PCDHGA4: variants seen among roughly 807,000 people sequenced by gnomAD.
The protein encoded by PCDHGA4 is protocadherin gamma-A4.
A neutral mutation model predicts 54.6 loss-of-function variants in PCDHGA4; 38 were observed. The ratio of observed to expected loss-of-function variants is 0.70; its 90% CI spans 0.54 to 0.91. The LOEUF is 0.91. Among genes scored for constraint, PCDHGA4 ranks in the 40% least tolerant of loss-of-function variants. The pLI is 0.00. For synonymous variants in PCDHGA4, 511 were observed against 512.9 expected, an observed-to-expected ratio of 1.00 and a Z score of 0.05; for missense variants, 1,298 against 1,220.9, an observed-to-expected ratio of 1.06 and a Z score of -0.94.
intron 1 of PCDHGA4, among the ~76,000 whole-genome samples, chr5:141,381,834 T>TTCTTC (rs1561589417): frequency 7.1e-6 from 1 of 140,214 alleles, no homozygotes; most frequent in African/African-American, 2.7e-5. Flanking sequence ...TTCTTTTTTT[T>TTCTTC]TTTTTTTTTT....
In PCDHGA4 at chr5:141,372,747, G is replaced by A; in HGVS notation, c.2514+15126G>A. ...ACCACAAGATCTTCTATGTGATGAA[G>A]CCTCTTGGTTTGAAAGTAATGACAA... On this transcript the variant is annotated intron_variant, in intron 1 of 3. Transcript: ENST00000571252. The A allele has an allele frequency of 2.5e-6, 4 of 1,613,418 alleles. 1 individual carries two copies. Among genetic ancestry groups the A allele is most frequent in the East Asian group, 4.5e-5 (2 of 44,880 alleles).
At chr5:141,384,730 G>A (rs752038561) in intron 1 of PCDHGA4, 2 of 1,614,092 alleles carry the variant, frequency 1.2e-6, no homozygotes, top group East Asian at 2.2e-5. Context: ...CCTGCTTAAG[G>A]CCAGCGAGCC....
chr5:141,356,931 G>A lies in PCDHGA4; in HGVS notation c.1824G>A (p.Leu608=), dbSNP rs1760396765. ...CTGATGGCTCCACTGGTGTGGAGCTGGCACCCCGCTCCGCAGATTCCGGCT... is the reference window on the plus strand; with the variant it reads ...CTGATGGCTCCACTGGTGTGGAGCTAGCACCCCGCTCCGCAGATTCCGGCT... ...FPTDGSTGVE[L]APRSADSGYL... Residue 608 remains leucine, a synonymous_variant, in exon 1 of 4, where the codon CTG becomes CTA. Coordinates refer to ENST00000571252, the MANE Select transcript of PCDHGA4 (RefSeq NM_018917.4). The A allele has an allele frequency of 1.2e-6, 2 of 1,614,074 alleles. No homozygotes were observed. Among genetic ancestry groups the A allele is most frequent in the Non-Finnish European group, 1.7e-6 (2 of 1,180,036 alleles).
At chr5:141,366,386 G>A (rs1368197545) in intron 1 of PCDHGA4, 4 of 1,614,164 alleles carry the variant, frequency 2.5e-6, no homozygotes, top group Non-Finnish European at 3.4e-6. Context: ...TGACCCTGAG[G>A]ATCTGGACCT....
chr5:141,492,125 C>T (rs1284932830), intron 1 of PCDHGA4, among the ~76,000 whole-genome samples: 1 of 152,222 alleles, frequency 6.6e-6, no homozygotes, highest in Non-Finnish European at 1.5e-5. Context: ...TTCTCCCCAG[C>T]TCCCAGCATC....
Position 141,420,431 on chromosome 5 carries a change from A to G in PCDHGA4, c.2514+62810A>G, listed in dbSNP as rs183252328. 8.4e-5 allele frequency: 96 copies of G among 1,148,758 alleles called. No individual in the cohort carries two copies. In the African/African-American group the frequency reaches 1.3e-3, roughly 16 times the overall value. The allele number at this position is 1,148,758 out of a possible 1,614,324, so 71.2% of individuals were successfully genotyped here. Reference sequence around the variant, plus strand: ...TATCATTATTAAAACAAAAGTTTAAATTAAATGCCTCAGTCTTCCTACTAT... The same window carrying G: ...TATCATTATTAAAACAAAAGTTTAAGTTAAATGCCTCAGTCTTCCTACTAT... On this transcript the variant is annotated intron_variant, in intron 1 of 3. Transcript: ENST00000571252.
rs568314069 is a variant in PCDHGA4 at position 141,486,371 on chromosome 5, G to C, written c.2515-8436G>C. 53 of 1,614,138 alleles carry C rather than the reference G, an allele frequency of 3.3e-5. 2 individuals are homozygous for C. The South Asian group carries it at 5.3e-4, about 16-fold the overall frequency. Reference sequence around the variant, plus strand: ...CCACTTGCCATTTGCCCTCAAGTCTGCCTTCAGGAACCAGTTCTCCCTGGT... The same window carrying C: ...CCACTTGCCATTTGCCCTCAAGTCTCCCTTCAGGAACCAGTTCTCCCTGGT... On this transcript the variant is annotated intron_variant, in intron 1 of 3. Transcript: ENST00000571252. The surrounding 1 kb of genome is among the most constrained non-coding windows in gnomAD (Gnocchi z 5.0).
intron 1 of PCDHGA4, among the ~76,000 whole-genome samples, chr5:141,436,181 T>A (rs1050736907): frequency 1.3e-5 from 2 of 152,092 alleles, no homozygotes; most frequent in African/African-American, 4.8e-5. Context: ...TCATATATAG[T>A]CAAATAGAAA....
chr5:141,374,244 T>C, intron 1 of PCDHGA4: 3 of 1,613,992 alleles, frequency 1.9e-6, no homozygotes, highest in Non-Finnish European at 2.5e-6. Context: ...GATCTGGGAC[T>C]GGAGCCCCAG....
At position 141,355,141 on chromosome 5, in the gene PCDHGA4, G is replaced by A; in HGVS notation, c.34G>A (p.Ala12Thr). The change falls in exon 1 of 4, where the codon GCT becomes ACT. Residue 12 changes from alanine to threonine, a missense_variant. Ala to Thr is a moderately conservative substitution (Grantham distance 58, BLOSUM62 0). Coordinates refer to ENST00000571252, the MANE Select transcript of PCDHGA4 (RefSeq NM_018917.4). Reference sequence around the variant, plus strand: ...TATTTTGGACCCAGAAGATCCTGGGGCTCCTCAGGCCTCGACAGAGGGAAA... The same window carrying A: ...TATTTTGGACCCAGAAGATCCTGGGACTCCTCAGGCCTCGACAGAGGGAAA... ...HFILDPEDPGAPQASTEGKPK... is the reference protein window; with the variant it reads ...HFILDPEDPGTPQASTEGKPK... 1 of 1,526,010 alleles carries A rather than the reference G, an allele frequency of 6.6e-7. No homozygotes were observed. The highest frequency in any genetic ancestry group is 1.3e-5 in the South Asian group (1 of 76,482). 94.5% of individuals were successfully genotyped at this position (1,526,010 alleles called of 1,614,324 possible).
Position 141,489,646 on chromosome 5 carries a change from C to G in PCDHGA4, c.2515-5161C>G, listed in dbSNP as rs1274955075. The G allele has an allele frequency of 1.2e-6, 2 of 1,614,186 alleles. No individual in the cohort carries two copies. Among genetic ancestry groups the G allele is most frequent in the Non-Finnish European group, 1.7e-6 (2 of 1,180,022 alleles). ...TGACAACTCTCCTAGCTTTGCCACC[C>G]CTGAGCGAGAGATGCGCATCTCAGA... On this transcript the variant is annotated intron_variant, in intron 1 of 3. Coordinates refer to ENST00000571252, the MANE Select transcript of PCDHGA4 (RefSeq NM_018917.4). The surrounding 1 kb of genome is among the most constrained non-coding windows in gnomAD (Gnocchi z 4.5).
At chr5:141,451,004 T>A (rs2098704048) in intron 1 of PCDHGA4, among the ~76,000 whole-genome samples, 1 of 151,474 alleles carries the variant, frequency 6.6e-6, no homozygotes, top group South Asian at 2.1e-4. Flanking sequence ...TTTTTGTATT[T>A]TTTTTAGTAG....
At position 141,432,669 on chromosome 5, in the gene PCDHGA4, C is replaced by T. The variant is rs777314784; in HGVS notation, c.2515-62138C>T. ...GCGCGAGCCCTGCTGGACAGAGACG[C>T]GCTCAAGCAGAGCCTCGTAGTGGCC... On this transcript the variant is annotated intron_variant, in intron 1 of 3. Transcript: ENST00000571252. This position sits in a 1 kb window ranked among gnomAD's most constrained non-coding sequence, Gnocchi z 6.0. 1 of 1,613,894 alleles carries T rather than the reference C, an allele frequency of 6.2e-7. No homozygotes were observed.
At chr5:141,428,055 G>T in intron 1 of PCDHGA4, 1 of 1,609,070 alleles carries the variant, frequency 6.2e-7, no homozygotes, top group Non-Finnish European at 8.5e-7. Context: ...CAAGGTGGTG[G>T]CGGTGGACGC....
Position 141,355,560 on chromosome 5 carries a change from G to C in PCDHGA4, c.453G>C (p.Glu151Asp). 1 of 1,614,024 alleles carries C rather than the reference G, an allele frequency of 6.2e-7. No homozygotes were observed. Among genetic ancestry groups the C allele is most frequent in the Non-Finnish European group, 8.5e-7 (1 of 1,179,898 alleles). Residue 151 changes from glutamate to aspartate, a missense_variant, in exon 1 of 4, where the codon GAG becomes GAC. Glu to Asp is a conservative substitution (Grantham distance 45). Transcript: ENST00000571252. ...LEDTVKILRVEVEIIDVNDNP... is the reference protein window; with the variant it reads ...LEDTVKILRVDVEIIDVNDNP... ...ATACAGTGAAGATTTTGCGGGTAGA[G>C]GTGGAAATAATCGATGTTAATGATA...
chr5:141,467,321 G>A (rs2099141786), intron 1 of PCDHGA4, among the ~76,000 whole-genome samples: 2 of 152,024 alleles, frequency 1.3e-5, no homozygotes, highest in East Asian at 1.9e-4. Context: ...CCACAGTGCT[G>A]GGATTAGAGA....
At chr5:141,365,366 G>T (rs764735476) in intron 1 of PCDHGA4, 1 of 1,613,792 alleles carries the variant, frequency 6.2e-7, no homozygotes, top group South Asian at 1.1e-5. Context: ...CAATGCCCCC[G>T]AAGTGATCCT....
At position 141,403,235 on chromosome 5, in the gene PCDHGA4, C is replaced by T. The variant is rs757212212; in HGVS notation, c.2514+45614C>T. The T allele has an allele frequency of 2.9e-5, 47 of 1,613,842 alleles. No individual in the cohort carries two copies. In the Admixed American group the frequency reaches 7.7e-4, roughly 26 times the overall value. ...CGCGGGTAGGATAGACCGGGAGGAGCTCTGTGCTCAGAGCCCGCGGTGTCT... is the reference window on the plus strand; with the variant it reads ...CGCGGGTAGGATAGACCGGGAGGAGTTCTGTGCTCAGAGCCCGCGGTGTCT... On this transcript the variant is annotated intron_variant, in intron 1 of 3. Transcript: ENST00000571252.
At chr5:141,383,916 T>A in intron 1 of PCDHGA4, 1 of 1,613,968 alleles carries the variant, frequency 6.2e-7, no homozygotes, top group Non-Finnish European at 8.5e-7. Context: ...CAGTTTTAGA[T>A]GTAAATGATA....
Sources: gnomAD v4.1 joint callset for allele counts (sites outside exome capture counted in the v4.1 genomes callset) on GRCh38, gnomAD v4.1.1 for gene constraint, Gnocchi (gnomAD v3.1) non-coding constraint, MANE v1.5 for transcripts, NCBI Gene and HGNC (gene_info 2026-07-23, HGNC 2026-07-21) for gene names.